Variants in FAM227B observed in about 807,000 individuals in gnomAD.
FAM227B encodes the protein protein FAM227B.
A neutral mutation model predicts 73.8 loss-of-function variants in FAM227B; 88 were observed. The ratio of observed to expected loss-of-function variants is 1.19; its 90% CI spans 1.00 to 1.42. The LOEUF (loss-of-function observed/expected upper bound fraction) is 1.42. Among genes scored for constraint, FAM227B ranks in the 40% most tolerant of loss-of-function variants. The pLI is 0.00. For missense variants in FAM227B, 632 were observed against 590.9 expected, an observed-to-expected ratio of 1.07 and a Z score of -0.72; for synonymous variants, 210 against 190.5, an observed-to-expected ratio of 1.10 and a Z score of -0.84.
At chr15:49,582,274 A>G (rs1015718979) in intron 5 of FAM227B, among the ~76,000 whole-genome samples, 1 of 152,242 alleles carries the variant, frequency 6.6e-6, no homozygotes. Context: ...CTCAAAGTAA[A>G]GAAATGGAAA....
intron 13 of FAM227B, chr15:49,365,348 A>C (rs547265580): frequency 2.2e-5 from 34 of 1,532,168 alleles, no homozygotes; most frequent in Non-Finnish European, 3.0e-5. Context: ...TATCATGCCA[A>C]TAGCATAGGC....
At chr15:49,586,468 C>T (rs535507205) in intron 5 of FAM227B, among the ~76,000 whole-genome samples, 2 of 152,216 alleles carry the variant, frequency 1.3e-5, no homozygotes, top group South Asian at 4.1e-4. Flanking sequence ...CCATTCTGGA[C>T]ATAGGTATGG....
At chr15:49,611,716 A>G (rs1483356532) in intron 2 of FAM227B, among the ~76,000 whole-genome samples, 1 of 152,238 alleles carries the variant, frequency 6.6e-6, no homozygotes, top group Admixed American at 6.5e-5. Context: ...CTAATAGATA[A>G]AAATCACATT....
At chr15:49,466,210 G>A (rs2054253072) in intron 11 of FAM227B, among the ~76,000 whole-genome samples, 1 of 152,186 alleles carries the variant, frequency 6.6e-6, no homozygotes, top group Admixed American at 6.5e-5. Context: ...CAGACCTGTT[G>A]GATCAGACTT....
intron 11 of FAM227B, among the ~76,000 whole-genome samples, chr15:49,440,916 G>A (rs185109191): frequency 9.2e-5 from 14 of 151,812 alleles, no homozygotes; most frequent in Admixed American, 9.2e-4. Flanking sequence ...AGATGATACT[G>A]GTTATAAGTT....
intron 13 of FAM227B, among the ~76,000 whole-genome samples, chr15:49,364,920 A>G (rs889358686): frequency 1.3e-5 from 2 of 152,102 alleles, no homozygotes. Flanking sequence ...ATATCCTTTT[A>G]TTTAATGTGA....
At chr15:49,415,720 C>A (rs1029731722) in intron 11 of FAM227B, among the ~76,000 whole-genome samples, 2 of 152,070 alleles carry the variant, frequency 1.3e-5, no homozygotes, top group African/African-American at 4.8e-5. Flanking sequence ...CTTTTGTAAA[C>A]TGAGATATTT....
chr15:49,457,146 T>C (rs2053377206), intron 11 of FAM227B, among the ~76,000 whole-genome samples: 1 of 152,074 alleles, frequency 6.6e-6, no homozygotes, highest in Non-Finnish European at 1.5e-5. Context: ...AGTAGAGAAC[T>C]ACTAAAACTT....
intron 14 of FAM227B, among the ~76,000 whole-genome samples, chr15:49,333,047 C>T (rs1188247539): frequency 6.6e-6 from 1 of 152,134 alleles, no homozygotes; most frequent in Non-Finnish European, 1.5e-5. Context: ...TTAGAATCTC[C>T]TTGAACTGCA....
chr15:49,483,562 C>T (rs1198907327), intron 11 of FAM227B, among the ~76,000 whole-genome samples: 1 of 151,858 alleles, frequency 6.6e-6, no homozygotes, highest in Non-Finnish European at 1.5e-5. Context: ...TTCCATTTGC[C>T]AGTATTAAAG....
intron 8 of FAM227B, chr15:49,574,753 T>C (rs1377015699): frequency 5.1e-6 from 1 of 196,262 alleles, no homozygotes; most frequent in African/African-American, 2.3e-5. Flanking sequence ...AATTATATAA[T>C]ATGTGATATA....
chr15:49,597,297 T>C (rs940985303), intron 3 of FAM227B, among the ~76,000 whole-genome samples: 8 of 151,850 alleles, frequency 5.3e-5, no homozygotes, highest in African/African-American at 1.9e-4. Flanking sequence ...TTGAATAAAA[T>C]TGGAAATCCA....
At chr15:49,514,302 A>G (rs1282716739) in intron 10 of FAM227B, among the ~76,000 whole-genome samples, 2 of 151,970 alleles carry the variant, frequency 1.3e-5, no homozygotes, top group Non-Finnish European at 2.9e-5. Context: ...CTCCTTGAAG[A>G]GGTCTTTCAT....
At chr15:49,569,226 C>G (rs12907986) in intron 8 of FAM227B, among the ~76,000 whole-genome samples, 6 of 151,730 alleles carry the variant, frequency 4.0e-5, no homozygotes, top group African/African-American at 1.4e-4. Flanking sequence ...ATTGCCCCCA[C>G]TTTTTTATAA....
chr15:49,573,904 T>C (rs562114310), intron 8 of FAM227B, among the ~76,000 whole-genome samples: 6 of 152,306 alleles, frequency 3.9e-5, no homozygotes, highest in Admixed American at 6.5e-5. Context: ...GATTTGTGTA[T>C]TTCTCTTTGA....
At chr15:49,419,063 C>G (rs996558246) in intron 11 of FAM227B, among the ~76,000 whole-genome samples, 1 of 152,160 alleles carries the variant, frequency 6.6e-6, no homozygotes, top group Non-Finnish European at 1.5e-5. Context: ...TTCATTCACT[C>G]TGTTCACACA....
At chr15:49,519,324 G>A (rs2059615244) in intron 10 of FAM227B, among the ~76,000 whole-genome samples, 1 of 152,200 alleles carries the variant, frequency 6.6e-6, no homozygotes, top group South Asian at 2.1e-4. Context: ...CTAGAGGACA[G>A]TGGCCCTCTT....
chr15:49,381,975 T>C (rs908435310), intron 11 of FAM227B, among the ~76,000 whole-genome samples: 1 of 152,108 alleles, frequency 6.6e-6, no homozygotes, highest in Non-Finnish European at 1.5e-5. Flanking sequence ...GTTTAGGACC[T>C]AGATGCAGAA....
At chr15:49,606,671 C>T (rs1299058455) in intron 3 of FAM227B, among the ~76,000 whole-genome samples, 1 of 152,156 alleles carries the variant, frequency 6.6e-6, no homozygotes, top group Non-Finnish European at 1.5e-5. Flanking sequence ...CCTGTGGTGT[C>T]ACATGGACAT....
Sources: allele counts gnomAD v4.1 joint callset (sites outside exome capture counted in the v4.1 genomes callset), GRCh38; gene constraint gnomAD v4.1.1; transcripts MANE v1.5; gene names NCBI Gene and HGNC (gene_info 2026-07-23, HGNC 2026-07-21).